Variants in TMX3 observed in about 807,000 individuals in gnomAD.
The protein encoded by TMX3 is protein disulfide-isomerase TMX3.
TMX3 carries 40 observed loss-of-function variants against 64.4 expected under a neutral mutation model. The ratio of observed to expected loss-of-function variants is 0.62; its 90% CI spans 0.48 to 0.81. TMX3 has a LOEUF of 0.81. Among genes scored for constraint, TMX3 ranks in the 30% least tolerant of loss-of-function variants. The pLI is 0.00. For synonymous variants in TMX3, 189 were observed against 175.7 expected (o/e 1.08, Z -0.60); for missense variants, 497 against 534.5 (o/e 0.93, Z 0.69).
In TMX3 at chr18:68,682,958, T is replaced by A. The variant is rs1487410184; in HGVS notation, c.872A>T (p.Asp291Val). The part of the protein sequence containing the change: ...FHRDFQFGHM[D>V]GNDYINTLLM... The stretch of plus-strand genomic sequence containing the variant: ...CAAGGTATTTATGTAGTCATTTCCA[T>A]CCATGTGGCCAAACTGAAAATCCCT... The change falls in exon 13 of 16, where the codon GAT becomes GTT. Residue 291 changes from aspartate (D) to valine (V), a missense_variant. Physicochemically the swap from Asp to Val is radical, Grantham distance 152 (BLOSUM62 -3). This residue lies in a region of TMX3 where 360 missense variants were observed against 383.5 expected (regional missense o/e 0.94). Coordinates refer to ENST00000299608, the MANE Select transcript of TMX3 (RefSeq NM_019022.5). 2.5e-6 allele frequency: 4 copies of A among 1,610,446 alleles called. No individual in the cohort carries two copies. Among genetic ancestry groups the A allele is most frequent in the Non-Finnish European group, 2.5e-6 (3 of 1,177,870 alleles).
chr18:68,687,567 T>G (rs1914085230), intron 10 of TMX3, 100 bp downstream of exon 10: 1 of 1,507,628 alleles, frequency 6.6e-7, no homozygotes, highest in African/African-American at 1.4e-5. Flanking sequence ...AAAATTAAGT[T>G]GAGAAATAGA....
At chr18:68,705,184 T>C (rs956162328) in intron 4 of TMX3, among the ~76,000 whole-genome samples, 4 of 152,110 alleles carry the variant, frequency 2.6e-5, no homozygotes, top group African/African-American at 9.7e-5. Flanking sequence ...GGGAAGCTCC[T>C]AAACATCCCA....
intron 6 of TMX3, among the ~76,000 whole-genome samples, chr18:68,699,259 A>G (rs1363341650): frequency 2.0e-5 from 3 of 152,156 alleles, no homozygotes; most frequent in African/African-American, 4.8e-5. Context: ...TTCATCTACA[A>G]TAGTCATCTC....
intron 5 of TMX3, chr18:68,700,861 T>C (rs1400272286): frequency 2.0e-6 from 2 of 982,560 alleles, no homozygotes; most frequent in Non-Finnish European, 1.2e-6. Flanking sequence ...AAGAGTATTT[T>C]AGAAGAGGCA....
chr18:68,713,714 TACA>T (rs938220132), intron 2 of TMX3, 129 bp downstream of exon 2: 172 of 430,056 alleles, frequency 4.0e-4, no homozygotes, highest in African/African-American at 3.4e-3. Flanking sequence ...CACCTTCACT[TACA>T]ACAAGTGAAA....
intron 15 of TMX3, 137 bp downstream of exon 15, chr18:68,679,326 A>C (rs1204173847): frequency 4.2e-5 from 22 of 527,422 alleles, no homozygotes; most frequent in Non-Finnish European, 4.7e-5. Context: ...TATTTTCTTA[A>C]ATACTGACTA....
chr18:68,705,654 A>G (rs1346624593), intron 4 of TMX3, among the ~76,000 whole-genome samples: 1 of 152,224 alleles, frequency 6.6e-6, no homozygotes, highest in Non-Finnish European at 1.5e-5. Flanking sequence ...CAAATGAGAA[A>G]TATTTTAGCA....
Position 68,710,233 on chromosome 18 carries a change from T to C in TMX3, c.142-89A>G, listed in dbSNP as rs2031139754. On this transcript the variant is annotated intron_variant, in intron 3 of 15. Transcript: ENST00000299608. Reference sequence around the variant, plus strand: ...AATATGAATCTTAATATTTAAAGAATCCCTTTGACTAAATGATCTAATAAT... The same window carrying C: ...AATATGAATCTTAATATTTAAAGAACCCCTTTGACTAAATGATCTAATAAT... 2.6e-6 allele frequency: 3 copies of C among 1,148,282 alleles called. No homozygotes were observed. The South Asian group carries it at 7.1e-5, about 27-fold the overall frequency. The allele number at this position is 1,148,282 out of a possible 1,614,324, so 71.1% of individuals were successfully genotyped here. A position where few individuals can be genotyped will look rare whatever the true frequency, so the allele number is the denominator to read the frequency against.
chr18:68,698,255 A>C (rs1311836739), intron 6 of TMX3, among the ~76,000 whole-genome samples: 1 of 152,232 alleles, frequency 6.6e-6, no homozygotes, highest in East Asian at 1.9e-4. Flanking sequence ...TTAATCTATC[A>C]GTTTCAAAAT....
At chr18:68,694,919 T>C (rs1335094054) in intron 8 of TMX3, among the ~76,000 whole-genome samples, 1 of 152,174 alleles carries the variant, frequency 6.6e-6, no homozygotes, top group Non-Finnish European at 1.5e-5. Context: ...ATGTTTCACT[T>C]ACCTTTGTGA....
chr18:68,702,611 A>G (rs1249909375), intron 4 of TMX3, among the ~76,000 whole-genome samples: 1 of 152,206 alleles, frequency 6.6e-6, no homozygotes, highest in Non-Finnish European at 1.5e-5. Context: ...GTTATACCAT[A>G]AAGATATTTA....
At chr18:68,707,052 T>A (rs1211594733) in intron 4 of TMX3, among the ~76,000 whole-genome samples, 1 of 152,222 alleles carries the variant, frequency 6.6e-6, no homozygotes, top group Non-Finnish European at 1.5e-5. Context: ...ATAAGTTCCA[T>A]AAGACTAGAA....
chr18:68,707,844 T>C (rs963199697), intron 4 of TMX3, among the ~76,000 whole-genome samples: 5 of 152,266 alleles, frequency 3.3e-5, no homozygotes, highest in Middle Eastern at 3.4e-3. Context: ...TTGGTAAATA[T>C]TGATTGAGTG....
chr18:68,700,901 G>GT, intron 5 of TMX3: 1 of 984,852 alleles, frequency 1.0e-6, no homozygotes, highest in South Asian at 4.7e-5. Flanking sequence ...CAACATGACA[G>GT]TTACTTGATG....
At chr18:68,706,700 A>ATC (rs1351778622) in intron 4 of TMX3, among the ~76,000 whole-genome samples, 1 of 152,230 alleles carries the variant, frequency 6.6e-6, no homozygotes, top group Non-Finnish European at 1.5e-5. Context: ...TAGACTTAGA[A>ATC]TAACAATGGC....
intron 4 of TMX3, among the ~76,000 whole-genome samples, chr18:68,706,877 T>C (rs2030726815): frequency 2.6e-5 from 4 of 152,224 alleles, no homozygotes; most frequent in Admixed American, 2.6e-4. Context: ...TCTTTAACAC[T>C]AGGAAGAAAG....
chr18:68,706,107 G>A (rs935087271), intron 4 of TMX3, among the ~76,000 whole-genome samples: 4 of 152,112 alleles, frequency 2.6e-5, no homozygotes, highest in South Asian at 2.1e-4. Flanking sequence ...ACAGACTCTC[G>A]GCTGGGCACA....
intron 4 of TMX3, among the ~76,000 whole-genome samples, chr18:68,707,194 CT>C (rs774533164): frequency 0.027 from 3,683 of 138,260 alleles, 135 homozygotes; most frequent in African/African-American, 0.086. Context: ...TACAAAGGGA[CT>C]TTTTTTTTTT....
intron 15 of TMX3, 62 bp from the exon 16 acceptor site, chr18:68,677,255 A>C: frequency 6.6e-7 from 1 of 1,516,382 alleles, no homozygotes; most frequent in Non-Finnish European, 8.9e-7. Context: ...TATAGCATGA[A>C]ATGAACTTGA....
Sources: gnomAD v4.1 joint callset for allele counts (sites outside exome capture counted in the v4.1 genomes callset) on GRCh38, gnomAD v4.1.1 for gene constraint, gnomAD v4.1.1 regional missense constraint, MANE v1.5 for transcripts, NCBI Gene and HGNC (gene_info 2026-07-23, HGNC 2026-07-21) for gene names.